Variants in CNIH3 observed in about 807,000 individuals in gnomAD.
CNIH3 encodes protein cornichon homolog 3.
A neutral mutation model predicts 24.1 loss-of-function variants in CNIH3; 14 were observed. That is an observed-to-expected ratio of 0.58 (90% CI 0.38 to 0.91). The LOEUF (loss-of-function observed/expected upper bound fraction) is 0.91, where lower values mean the gene tolerates loss of function less well. Among genes scored for constraint, CNIH3 ranks in the 40% least tolerant of loss-of-function variants. The probability of loss-of-function intolerance (pLI) is 0.00; values close to 1 mark genes in which losing one functional copy is unlikely to be tolerated. For synonymous variants in CNIH3, 68 were observed against 73.8 expected (o/e 0.92, Z 0.40); for missense variants, 178 against 196.8 (o/e 0.90, Z 0.57).
rs182215232 is a variant in CNIH3, at chr1:224,738,317, G to T, written c.456-1012G>T. Among the ~76,000 whole-genome samples the T allele has an allele frequency of 2.7e-3, 405 of 152,342 alleles. 1 individual carries two copies. The highest frequency in any genetic ancestry group is 6.8e-3 in the Middle Eastern group (2 of 294). On this transcript the variant is annotated intron_variant, in intron 5 of 5. Transcript: ENST00000272133. ...TAGTACTGTTATGCAAAAAGCACTG[G>T]CTTTGGAGTTAGAATGTGGCTTCTC...
At chr1:224,505,821 A>G (rs993900198) in intron 1 of CNIH3, among the ~76,000 whole-genome samples, 1 of 152,250 alleles carries the variant, frequency 6.6e-6, no homozygotes, top group Admixed American at 6.5e-5. Context: ...TTGGCGTTCA[A>G]TAAAATTGGT....
intron 3 of CNIH3, among the ~76,000 whole-genome samples, chr1:224,705,804 CT>C (rs760087102): frequency 3.3e-5 from 5 of 150,636 alleles, no homozygotes; most frequent in Non-Finnish European, 5.9e-5. Context: ...TCTTCCTTCA[CT>C]TTTTTTTCTC....
chr1:224,588,534 C>G (rs142497574), exon 6 of CNIH3: 2 of 151,320 alleles, frequency 1.3e-5, no homozygotes, highest in Admixed American at 6.6e-5. Context: ...CCTATGCCCA[C>G]GAATAAATCA....
chr1:224,617,022 C>T lies in CNIH3; in HGVS notation c.-153C>T. On this transcript the variant is annotated 5_prime_UTR_variant, in exon 1 of 6. Coordinates refer to ENST00000272133, the MANE Select transcript of CNIH3 (RefSeq NM_152495.2). Reference sequence around the variant, plus strand: ...GGAATCCAGCGCTTATTCGCTGACCCTCGAGTCGCTTCGCTAGCTGTGCGC... The same window carrying T: ...GGAATCCAGCGCTTATTCGCTGACCTTCGAGTCGCTTCGCTAGCTGTGCGC... The T allele has an allele frequency of 7.0e-7, 1 of 1,425,106 alleles. No homozygotes were observed. Among genetic ancestry groups the T allele is most frequent in the Non-Finnish European group, 9.1e-7 (1 of 1,093,660 alleles). The allele number at this position is 1,425,106 out of a possible 1,614,324, so 88.3% of individuals were successfully genotyped here.
intron 2 of CNIH3, among the ~76,000 whole-genome samples, chr1:224,527,823 T>A (rs1678903056): frequency 1.3e-5 from 2 of 152,198 alleles, no homozygotes; most frequent in Admixed American, 1.3e-4. Flanking sequence ...TATAATTATG[T>A]GTCAATTACA....
chr1:224,638,427 A>T (rs1684198536), intron 1 of CNIH3, among the ~76,000 whole-genome samples: 1 of 152,152 alleles, frequency 6.6e-6, no homozygotes, highest in Non-Finnish European at 1.5e-5. Context: ...TTGCATCCTG[A>T]CAGGTGGATT....
chr1:224,524,604 A>G (rs2124920462), intron 2 of CNIH3, among the ~76,000 whole-genome samples: 1 of 152,266 alleles, frequency 6.6e-6, no homozygotes, highest in South Asian at 2.1e-4. Flanking sequence ...TTAGTTTTTG[A>G]AAGTATGTAG....
At chr1:224,509,060 C>T (rs1439987240) in intron 1 of CNIH3, among the ~76,000 whole-genome samples, 5 of 152,178 alleles carry the variant, frequency 3.3e-5, no homozygotes, top group Non-Finnish European at 7.4e-5. Flanking sequence ...TGGTGGCTCA[C>T]GCTTGTAATC....
chr1:224,457,264 CCTCTCT>C (rs71755086), intron 1 of CNIH3, among the ~76,000 whole-genome samples: 3,744 of 108,602 alleles, frequency 0.034, 72 homozygotes, highest in East Asian at 0.097. Context: ...GCTGAGCCCT[CCTCTCT>C]CTCTCTGTGT....
intron 3 of CNIH3, among the ~76,000 whole-genome samples, chr1:224,597,154 AAAAC>A (rs1041297030): frequency 9.1e-5 from 13 of 143,496 alleles, no homozygotes; most frequent in East Asian, 6.3e-4. Flanking sequence ...CTCTGTCTCA[AAAAC>A]AAACAAACAA....
At chr1:224,596,606 T>C (rs1681990025) in intron 3 of CNIH3, among the ~76,000 whole-genome samples, 1 of 152,220 alleles carries the variant, frequency 6.6e-6, no homozygotes, top group African/African-American at 2.4e-5. Context: ...TAGATAGTGA[T>C]TCCTCTGATG....
chr1:224,624,411 A>C (rs1054860383), intron 1 of CNIH3, among the ~76,000 whole-genome samples: 3 of 151,876 alleles, frequency 2.0e-5, no homozygotes, highest in Admixed American at 6.6e-5. Flanking sequence ...CTGTGTGTCC[A>C]TGGGGCCACC....
intron 1 of CNIH3, among the ~76,000 whole-genome samples, chr1:224,491,624 G>A (rs1461288082): frequency 1.4e-5 from 2 of 146,862 alleles, no homozygotes; most frequent in Admixed American, 6.8e-5. Flanking sequence ...TATTTTTTTT[G>A]AGACAGAGTC....
chr1:224,643,094 C>T (rs1474595494), intron 1 of CNIH3, among the ~76,000 whole-genome samples: 2 of 152,092 alleles, frequency 1.3e-5, no homozygotes, highest in Non-Finnish European at 2.9e-5. Context: ...TGTTGATGGT[C>T]GAGGCGTGTG....
chr1:224,668,810 A>G (rs574584638), intron 1 of CNIH3, among the ~76,000 whole-genome samples: 1 of 149,546 alleles, frequency 6.7e-6, no homozygotes, highest in Non-Finnish European at 1.5e-5. Flanking sequence ...AGGAGGGGGA[A>G]CCTGGGGCTG....
intron 3 of CNIH3, chr1:224,717,911 G>A (rs1688511596): frequency 6.6e-6 from 1 of 152,224 alleles, no homozygotes. Flanking sequence ...TTACTGGGAT[G>A]GCTGTTATGG....
chr1:224,674,568 G>A (rs940782385), intron 1 of CNIH3, among the ~76,000 whole-genome samples: 7 of 152,012 alleles, frequency 4.6e-5, no homozygotes, highest in African/African-American at 7.3e-5. Flanking sequence ...GTGAGGCTCC[G>A]CGCAGTGAGC....
intron 1 of CNIH3, among the ~76,000 whole-genome samples, chr1:224,498,663 C>G (rs1189294077): frequency 1.3e-5 from 2 of 152,130 alleles, no homozygotes; most frequent in African/African-American, 4.8e-5. Context: ...ATGAAACAGT[C>G]AGTTTGGAAT....
intron 5 of CNIH3, among the ~76,000 whole-genome samples, chr1:224,585,625 C>A (rs1295461584): frequency 6.6e-6 from 1 of 151,928 alleles, no homozygotes; most frequent in Admixed American, 6.6e-5. Flanking sequence ...ACTACAGACA[C>A]ATCACCACAC....
Sources: allele counts gnomAD v4.1 joint callset (sites outside exome capture counted in the v4.1 genomes callset), GRCh38; gene constraint gnomAD v4.1.1; transcripts MANE v1.5; gene names NCBI Gene and HGNC (gene_info 2026-07-23, HGNC 2026-07-21).